Variants in RGS7 observed in about 807,000 individuals in gnomAD.
RGS7 encodes the protein regulator of G protein signaling 7, also known as regulator of G-protein signaling 7.
In RGS7, 27 loss-of-function variants were observed where a neutral mutation model predicts 81.1. The ratio of observed to expected loss-of-function variants is 0.33; its 90% CI spans 0.25 to 0.46. The LOEUF (loss-of-function observed/expected upper bound fraction) is 0.46, where lower values mean the gene tolerates loss of function less well. RGS7 is among the 20% of genes least tolerant of loss of function. RGS7 has a pLI of 1.00. For missense variants in RGS7, 396 were observed against 607.4 expected (o/e 0.65, Z 3.66); for synonymous variants, 208 against 207.7 (o/e 1.00, Z -0.01).
At chr1:240,783,167 C>T in intron 18 of RGS7, among the ~76,000 whole-genome samples, 1 of 152,162 alleles carries the variant, frequency 6.6e-6, no homozygotes, top group Middle Eastern at 3.2e-3. Flanking sequence ...CACAATAAAA[C>T]TTCCCCTCAA....
intron 3 of RGS7, among the ~76,000 whole-genome samples, chr1:241,011,367 C>T (rs560943000): frequency 6.6e-6 from 1 of 152,074 alleles, no homozygotes; most frequent in Non-Finnish European, 1.5e-5. Flanking sequence ...AGAGCAGCCT[C>T]ATGAAAGAGG....
rs5782167 is a variant in RGS7 at position 240,859,440 on chromosome 1, GTTT to G, written c.609+9144_609+9146del. Reference sequence around the variant, plus strand: ...TTGTGTTTTTCTTTCTTTCTTTCCTGTTTTTTTTTTTTTTTTTTCTTTTGGTCC... The same window carrying G: ...TTGTGTTTTTCTTTCTTTCTTTCCTGTTTTTTTTTTTTTTTCTTTTGGTCC... On this transcript the variant is annotated intron_variant, in intron 9 of 18. Coordinates refer to ENST00000440928, the MANE Select transcript of RGS7 (RefSeq NM_001364886.1). 6.2e-3 allele frequency among the ~76,000 whole-genome samples: 687 copies of G among 110,842 alleles called. 6 individuals are homozygous for G. The highest frequency in any genetic ancestry group is 0.021 in the African/African-American group (634 of 29,500). The allele number at this position is 110,842 out of a possible 152,430, so 72.7% of individuals were successfully genotyped here.
intron 3 of RGS7, among the ~76,000 whole-genome samples, chr1:241,081,709 G>A (rs1309932980): frequency 6.6e-6 from 1 of 152,218 alleles, no homozygotes; most frequent in Non-Finnish European, 1.5e-5. Context: ...GTCTTTTTCA[G>A]AGAGTACTTA....
intron 2 of RGS7, among the ~76,000 whole-genome samples, chr1:241,318,871 G>A (rs748618836): frequency 6.6e-6 from 1 of 152,102 alleles, no homozygotes; most frequent in Non-Finnish European, 1.5e-5. Flanking sequence ...TATTCGATTT[G>A]CTTCATTTAC....
Position 240,922,330 on chromosome 1 carries a change from A to C in RGS7, c.385+8387T>G, listed in dbSNP as rs544405904. Among the ~76,000 whole-genome samples, 262 of 152,186 alleles carry C rather than the reference A, an allele frequency of 1.7e-3. 1 individual carries two copies. Among genetic ancestry groups the C allele is most frequent in the Non-Finnish European group, 2.4e-3 (166 of 67,954 alleles). On this transcript the variant is annotated intron_variant, in intron 6 of 18. Coordinates refer to ENST00000440928, the MANE Select transcript of RGS7 (RefSeq NM_001364886.1). ...CTTGAGTTTGGCAATGACTTTTTAG[A>C]CACAACATCAAAAGCACAATCTATG...
rs1337763337 is a variant in RGS7 at position 240,812,534 on chromosome 1, AAG to A, written c.957-493_957-492del. Among the ~76,000 whole-genome samples the A allele has an allele frequency of 2.0e-5, 3 of 150,922 alleles. No individual in the cohort carries two copies. In the East Asian group the frequency reaches 5.9e-4, roughly 30 times the overall value. On this transcript the variant is annotated intron_variant, in intron 13 of 18. Coordinates refer to ENST00000440928, the MANE Select transcript of RGS7 (RefSeq NM_001364886.1). The stretch of plus-strand genomic sequence containing the variant: ...ACTGCAACCTCCACCTCCCGGGTTC[AAG>A]AGAGTCTCCTGCTTCAGCCTCCCGG...
At chr1:240,798,124 C>A (rs1269330549) in intron 18 of RGS7, among the ~76,000 whole-genome samples, 2 of 152,144 alleles carry the variant, frequency 1.3e-5, no homozygotes, top group Admixed American at 6.5e-5. Context: ...AAAGGTGATA[C>A]CTGCCTGACT....
intron 2 of RGS7, among the ~76,000 whole-genome samples, chr1:241,291,745 T>C (rs2079103068): frequency 1.3e-5 from 2 of 151,822 alleles, no homozygotes. Context: ...CGCCCGGCTT[T>C]TTGTATTTTT....
chr1:241,019,362 T>C (rs1001811926), intron 3 of RGS7, among the ~76,000 whole-genome samples: 11 of 152,272 alleles, frequency 7.2e-5, no homozygotes, highest in African/African-American at 2.4e-4. Context: ...ATTTATTTAT[T>C]TTTTTAAATT....
chr1:240,933,030 C>G (rs991231665), intron 5 of RGS7, among the ~76,000 whole-genome samples: 3 of 149,618 alleles, frequency 2.0e-5, no homozygotes, highest in Non-Finnish European at 4.5e-5. Context: ...ACTACAGGCG[C>G]CCGCACCACG....
chr1:241,039,354 C>T (rs191075305), intron 3 of RGS7, among the ~76,000 whole-genome samples: 26 of 152,240 alleles, frequency 1.7e-4, no homozygotes, highest in African/African-American at 3.9e-4. Context: ...AACCACAAGG[C>T]GCCATATCTC....
chr1:241,098,807 T>C (rs774522643), intron 2 of RGS7, 45 bp from the exon 3 acceptor site: 42 of 1,445,126 alleles, frequency 2.9e-5, no homozygotes, highest in Admixed American at 2.2e-4. Flanking sequence ...AGTTGAACTT[T>C]TTTGAAAAAA....
intron 2 of RGS7, among the ~76,000 whole-genome samples, chr1:241,249,176 T>C (rs1345826371): frequency 6.6e-6 from 1 of 152,218 alleles, no homozygotes; most frequent in Non-Finnish European, 1.5e-5. Flanking sequence ...TCATGTTGCA[T>C]GCAGGAAAAC....
At chr1:241,058,328 C>T (rs531906522) in intron 3 of RGS7, among the ~76,000 whole-genome samples, 18 of 152,272 alleles carry the variant, frequency 1.2e-4, no homozygotes, top group African/African-American at 1.7e-4. Flanking sequence ...TGTGTATGTG[C>T]GCAGCTCACC....
chr1:240,985,172 A>T (rs1470854276), intron 3 of RGS7, among the ~76,000 whole-genome samples: 1 of 152,246 alleles, frequency 6.6e-6, no homozygotes, highest in Admixed American at 6.5e-5. Flanking sequence ...AGCTTTTCAC[A>T]TATACATGTA....
intron 3 of RGS7, chr1:240,998,582 C>A: frequency 1.2e-6 from 1 of 832,782 alleles, no homozygotes; most frequent in Non-Finnish European, 2.0e-6. Context: ...ATAGAGCCAG[C>A]TGCTGGACCA....
intron 2 of RGS7, among the ~76,000 whole-genome samples, chr1:241,325,262 A>G (rs527474350): frequency 6.6e-6 from 1 of 152,194 alleles, no homozygotes; most frequent in African/African-American, 2.4e-5. Context: ...ATTAGATATA[A>G]GGGGGAGGCA....
Position 241,213,408 on chromosome 1 carries a change from C to T in RGS7, c.79-114646G>A, listed in dbSNP as rs1347520015. ...AATATGACAGGAGGTGAAAGCTGGC[C>T]GTAGAACTGGAAACGGCAGAACGTC... On this transcript the variant is annotated intron_variant, in intron 2 of 18. Transcript: ENST00000440928. Among the ~76,000 whole-genome samples, 8 of 152,246 alleles carry T rather than the reference C, an allele frequency of 5.3e-5. No individual in the cohort carries two copies. In the East Asian group the frequency reaches 5.8e-4, roughly 11 times the overall value.
chr1:240,948,493 G>C (rs949660217), intron 4 of RGS7, among the ~76,000 whole-genome samples: 3 of 151,944 alleles, frequency 2.0e-5, no homozygotes, highest in Non-Finnish European at 2.9e-5. Flanking sequence ...GCCCAGGCTG[G>C]AGTGCATTGG....
Sources: gnomAD v4.1 joint callset for allele counts (sites outside exome capture counted in the v4.1 genomes callset) on GRCh38, gnomAD v4.1.1 for gene constraint, MANE v1.5 for transcripts, NCBI Gene and HGNC (gene_info 2026-07-23, HGNC 2026-07-21) for gene names.